The following MYO16 variants were observed in gnomAD, a reference collection of about 807,000 sequenced individuals.
MYO16 encodes unconventional myosin-XVI.
MYO16 carries 94 observed loss-of-function variants against 205.3 expected under a neutral mutation model. The ratio of observed to expected loss-of-function variants is 0.46; its 90% CI spans 0.39 to 0.54. The LOEUF is 0.54. MYO16 is among the 20% of genes least tolerant of loss of function. MYO16 has a pLI of 0.00. For missense variants in MYO16, 2,315 were observed against 2,387.5 expected (o/e 0.97, Z 0.63); for synonymous variants, 988 against 954.0 (o/e 1.04, Z -0.66).
chr13:109,112,254 A>G (rs372416592), intron 28 of MYO16, among the ~76,000 whole-genome samples: 1 of 152,190 alleles, frequency 6.6e-6, no homozygotes, highest in South Asian at 2.1e-4. Flanking sequence ...TAGAAGACCA[A>G]TAAATTGAAG....
chr13:109,149,355 G>T (rs1877522691), intron 32 of MYO16, among the ~76,000 whole-genome samples: 1 of 152,174 alleles, frequency 6.6e-6, no homozygotes, highest in African/African-American at 2.4e-5. Context: ...TTGCGTCTCA[G>T]TGAGGCGGGT....
chr13:108,627,054 G>A (rs894114722), upstream of MYO16, among the ~76,000 whole-genome samples: 2 of 149,228 alleles, frequency 1.3e-5, no homozygotes, highest in African/African-American at 2.5e-5. Context: ...CTCAGGGATG[G>A]ATATAGAGGA....
intron 16 of MYO16, 109 bp from the exon 17 acceptor site, chr13:108,957,579 C>T (rs990555042): frequency 4.4e-6 from 3 of 688,924 alleles, no homozygotes; most frequent in Non-Finnish European, 7.8e-6. Context: ...GACACCATGT[C>T]CAGGTGATTC....
At chr13:109,014,765 G>A (rs1021398325) in intron 22 of MYO16, among the ~76,000 whole-genome samples, 1 of 152,136 alleles carries the variant, frequency 6.6e-6, no homozygotes, top group Non-Finnish European at 1.5e-5. Flanking sequence ...TTGGCTCTCT[G>A]TTTGTTATTG....
intron 4 of MYO16, among the ~76,000 whole-genome samples, chr13:108,746,968 C>T (rs934065442): frequency 1.3e-5 from 2 of 152,122 alleles, no homozygotes; most frequent in African/African-American, 4.8e-5. Flanking sequence ...GGGCTTCTCT[C>T]TAGAAATTAT....
At chr13:108,815,232 G>C (rs2082043054) in intron 7 of MYO16, among the ~76,000 whole-genome samples, 2 of 152,128 alleles carry the variant, frequency 1.3e-5, no homozygotes, top group African/African-American at 4.8e-5. Context: ...AAGGTATCTG[G>C]GAAGGCAGAA....
chr13:108,653,930 T>C (rs968821628), intron 1 of MYO16, among the ~76,000 whole-genome samples: 2 of 152,148 alleles, frequency 1.3e-5, no homozygotes, highest in Non-Finnish European at 2.9e-5. Flanking sequence ...AAGCAGGGCA[T>C]AGAACAGAAA....
the MYO16 span, among the ~76,000 whole-genome samples, chr13:108,564,980 T>C: frequency 6.6e-6 from 1 of 152,206 alleles, no homozygotes; most frequent in Non-Finnish European, 1.5e-5. Context: ...GATTTGTTTC[T>C]GCATTCTCTA....
intron 1 of MYO16, among the ~76,000 whole-genome samples, chr13:108,612,401 C>T (rs1319001318): frequency 6.6e-6 from 1 of 152,152 alleles, no homozygotes; most frequent in Admixed American, 6.6e-5. Flanking sequence ...CTACAGGAGA[C>T]AGGATGCTTA....
At chr13:108,544,280 C>T in the MYO16 span, among the ~76,000 whole-genome samples, 1 of 152,034 alleles carries the variant, frequency 6.6e-6, no homozygotes, top group African/African-American at 2.4e-5. Flanking sequence ...GAACAATCAC[C>T]AGATGTTGTC....
chr13:108,678,942 A>G lies in MYO16; in HGVS notation c.292+12793A>G, dbSNP rs144682467. ...CTGGTGAGGGTCTGCTTTCCAGTTC[A>G]TCAATGGCAGCTTCTTACTAGGTAC... On this transcript the variant is annotated intron_variant, in intron 2 of 34. Coordinates refer to ENST00000457511, the MANE Select transcript of MYO16 (RefSeq NM_001198950.3). Among the ~76,000 whole-genome samples, 843 of 152,198 alleles carry G rather than the reference A, an allele frequency of 5.5e-3. 6 individuals carry two copies. The highest frequency in any genetic ancestry group is 0.019 in the African/African-American group (799 of 41,502).
chr13:108,721,918 T>C (rs574629734), intron 3 of MYO16, among the ~76,000 whole-genome samples: 3 of 152,310 alleles, frequency 2.0e-5, no homozygotes, highest in South Asian at 2.1e-4. Context: ...AGGAGCTTAG[T>C]TGATTAAAGG....
intron 34 of MYO16, among the ~76,000 whole-genome samples, chr13:109,184,657 C>T (rs1879605665): frequency 6.6e-6 from 1 of 152,044 alleles, no homozygotes; most frequent in Admixed American, 6.6e-5. Context: ...AGTTCAGTGG[C>T]GCAATCTCGG....
rs1200277707 is a variant in MYO16, at chr13:109,140,574, CGAG to C, written c.4366_4368del (p.Glu1456del). On this transcript the variant is annotated inframe_deletion, in exon 32 of 35. Transcript: ENST00000457511. This position sits in a 1 kb window ranked among gnomAD's most constrained non-coding sequence, Gnocchi z 8.0. ...GCCCGGACCCCGGGGAGTCCGTGTA[CGAG>C]GAGATGAAGTGTTGCCTGCCCGACG... 3 of 1,535,110 alleles carry C rather than the reference CGAG, an allele frequency of 2.0e-6. No homozygotes were observed. Among genetic ancestry groups the C allele is most frequent in the Non-Finnish European group, 1.7e-6 (2 of 1,147,444 alleles).
intron 1 of MYO16, among the ~76,000 whole-genome samples, chr13:108,638,920 C>T (rs936759812): frequency 4.6e-5 from 7 of 152,094 alleles, no homozygotes; most frequent in African/African-American, 1.7e-4. Context: ...GAGGCATTTA[C>T]TGAAGATCAA....
At chr13:109,168,858 G>A (rs1878807027) in intron 33 of MYO16, among the ~76,000 whole-genome samples, 1 of 151,310 alleles carries the variant, frequency 6.6e-6, no homozygotes, top group East Asian at 1.9e-4. Context: ...CATGTCTAAT[G>A]TCTTTTGTGT....
intron 27 of MYO16, among the ~76,000 whole-genome samples, chr13:109,081,073 TATAG>T (rs1258432325): frequency 1.3e-5 from 2 of 152,102 alleles, no homozygotes; most frequent in Non-Finnish European, 2.9e-5. Flanking sequence ...ATTTATATAT[TATAG>T]ATAAACACAC....
chr13:109,161,945 C>T (rs890370174), intron 32 of MYO16, among the ~76,000 whole-genome samples: 28 of 151,896 alleles, frequency 1.8e-4, no homozygotes, highest in African/African-American at 6.0e-4. Context: ...AAAAATTAGC[C>T]GGGCATGGTG....
At chr13:108,955,460 G>A (rs1883312049) in intron 16 of MYO16, among the ~76,000 whole-genome samples, 1 of 152,152 alleles carries the variant, frequency 6.6e-6, no homozygotes, top group African/African-American at 2.4e-5. Context: ...GGCCACCATG[G>A]TCTGCTTCTC....
Sources: allele counts gnomAD v4.1 joint callset (sites outside exome capture counted in the v4.1 genomes callset), GRCh38; gene constraint gnomAD v4.1.1; non-coding constraint Gnocchi (gnomAD v3.1); transcripts MANE v1.5; gene names NCBI Gene and HGNC (gene_info 2026-07-23, HGNC 2026-07-21).